SLIT1: variants seen among roughly 807,000 people sequenced by gnomAD.
The protein encoded by SLIT1 is slit homolog 1 protein.
SLIT1 carries 66 observed loss-of-function variants against 186.1 expected under a neutral mutation model. That is an observed-to-expected ratio of 0.35 (90% CI 0.29 to 0.44). SLIT1 has a LOEUF of 0.44. Ranked by LOEUF, SLIT1 falls within the 20% of genes least tolerant of loss-of-function variation. SLIT1 has a pLI of 1.00. For synonymous variants in SLIT1, 761 were observed against 833.8 expected (o/e 0.91, Z 1.50); for missense variants, 1,638 against 2,037.4 (o/e 0.80, Z 3.77).
chr10:97,052,089 G>A (rs962697347), intron 13 of SLIT1, among the ~76,000 whole-genome samples: 4 of 122,846 alleles, frequency 3.3e-5, no homozygotes, highest in African/African-American at 1.0e-4. Flanking sequence ...TGTATGATTC[G>A]GTTTTTTTTT....
At chr10:97,024,672 A>G (rs945315869) in intron 25 of SLIT1, among the ~76,000 whole-genome samples, 1 of 152,252 alleles carries the variant, frequency 6.6e-6, no homozygotes, top group African/African-American at 2.4e-5. Flanking sequence ...TAGTATTTTT[A>G]TACTAACAAA....
At chr10:97,030,498 C>T (rs908371139) in intron 25 of SLIT1, among the ~76,000 whole-genome samples, 4 of 152,204 alleles carry the variant, frequency 2.6e-5, no homozygotes, top group Non-Finnish European at 4.4e-5. Flanking sequence ...TTAGCTGAGG[C>T]AGGCGAAGTG....
At chr10:97,046,933 C>G in intron 17 of SLIT1, 58 bp downstream of exon 17, 4 of 1,558,788 alleles carry the variant, frequency 2.6e-6, no homozygotes, top group African/African-American at 1.4e-5. Flanking sequence ...CTGGCATTTC[C>G]CTTGTCCATC....
At chr10:97,030,692 T>C in intron 25 of SLIT1, 65 bp downstream of exon 25, 1 of 1,309,754 alleles carries the variant, frequency 7.6e-7, no homozygotes, top group Admixed American at 1.8e-5. Flanking sequence ...GGAGGTGGGA[T>C]CTTCTCAGAA....
intron 3 of SLIT1, among the ~76,000 whole-genome samples, chr10:97,161,482 A>G (rs530324845): frequency 2.0e-5 from 3 of 152,320 alleles, no homozygotes; most frequent in African/African-American, 7.2e-5. Flanking sequence ...TTTCTTTAAT[A>G]TAAAAATGAA....
In SLIT1 at chr10:97,006,737, T is replaced by TA; in HGVS notation, c.3342-18dup. 1 of 1,584,998 alleles carries TA rather than the reference T, an allele frequency of 6.3e-7. No homozygotes were observed. The highest frequency in any genetic ancestry group is 8.7e-7 in the Non-Finnish European group (1 of 1,154,234). ...AGCTGTCCACTGAGAGGAAAGGACA[T>TA]AAGTCAGAGAGGGCCAAGGAGGAAG... On this transcript the variant is annotated splice_polypyrimidine_tract_variant and intron_variant, in intron 31 of 36. Coordinates refer to ENST00000266058, the MANE Select transcript of SLIT1 (RefSeq NM_003061.3). This position sits in a 1 kb window ranked among gnomAD's most constrained non-coding sequence, Gnocchi z 4.0.
At chr10:97,019,246 C>T (rs1225036757) in intron 26 of SLIT1, 139 bp from the exon 27 acceptor site, 3 of 621,050 alleles carry the variant, frequency 4.8e-6, no homozygotes, top group Non-Finnish European at 5.8e-6. Flanking sequence ...GCTCACACTC[C>T]CCTTGCACTG....
At position 97,064,882 on chromosome 10, in the gene SLIT1, A is replaced by T; in HGVS notation, c.486-6T>A. On this transcript the variant is annotated splice_region_variant and splice_polypyrimidine_tract_variant and intron_variant, in intron 5 of 36. Coordinates refer to ENST00000266058, the MANE Select transcript of SLIT1 (RefSeq NM_003061.3). ...TCTGGTTCTTGTCCAGCTGTCTGTG[A>T]AGCAAAGGAAGGTTGTAGAGAGAAG... 6.2e-7 allele frequency: 1 copy of T among 1,612,172 alleles called. No individual in the cohort carries two copies. Among genetic ancestry groups the T allele is most frequent in the Non-Finnish European group, 8.5e-7 (1 of 1,178,926 alleles).
rs1050867547 is a variant in SLIT1 at position 97,006,460 on chromosome 10, T to A, written c.3579+23A>T. ...TCGCCTGCTCCCTGACTCCCCTCTG[T>A]GACCAAGCCCCCTGGCACGCACCTG... is the stretch of plus-strand genomic sequence containing the variant. On this transcript the variant is annotated intron_variant, in intron 32 of 36. Coordinates refer to ENST00000266058, the MANE Select transcript of SLIT1 (RefSeq NM_003061.3). This position sits in a 1 kb window ranked among gnomAD's most constrained non-coding sequence, Gnocchi z 4.0. 6.3e-7 allele frequency: 1 copy of A among 1,579,226 alleles called. No individual in the cohort carries two copies. The highest frequency in any genetic ancestry group is 1.3e-5 in the African/African-American group (1 of 74,242).
Position 97,092,574 on chromosome 10 carries a change from G to T in SLIT1, c.414-26488C>A, listed in dbSNP as rs1849243937. ...GCAAAAGAGCAGCCAAGGTCCAGAG[G>T]GTCTCACCCAGCACAATGGGACTCT... On this transcript the variant is annotated intron_variant, in intron 4 of 36. Transcript: ENST00000266058. Among the ~76,000 whole-genome samples, 5 of 152,142 alleles carry T rather than the reference G, an allele frequency of 3.3e-5. No individual in the cohort carries two copies. In the South Asian group the frequency reaches 1.0e-3, roughly 32 times the overall value.
In SLIT1 at chr10:97,138,160, G is replaced by T. The variant is rs913442256; in HGVS notation, c.413+19658C>A. On this transcript the variant is annotated intron_variant, in intron 4 of 36. Transcript: ENST00000266058. The stretch of plus-strand genomic sequence containing the variant: ...GGTTATGAAACCTGCATATACCGAG[G>T]GCTGGCATTTTACATACGCGGGTTC... 9.9e-5 allele frequency among the ~76,000 whole-genome samples: 15 copies of T among 152,170 alleles called. 1 individual carries two copies. The highest frequency in any genetic ancestry group is 8.3e-4 in the South Asian group (4 of 4,820).
intron 1 of SLIT1, among the ~76,000 whole-genome samples, chr10:97,171,207 G>A (rs1850183641): frequency 6.6e-6 from 1 of 152,144 alleles, no homozygotes. Flanking sequence ...GAAAACGGAG[G>A]AAAGAAAGAA....
At chr10:97,142,825 T>A (rs551934265) in intron 4 of SLIT1, among the ~76,000 whole-genome samples, 1 of 152,260 alleles carries the variant, frequency 6.6e-6, no homozygotes, top group East Asian at 1.9e-4. Flanking sequence ...GAATAGAAAT[T>A]TCTCCAAAGA....
chr10:97,160,196 T>C (rs1850008084), intron 3 of SLIT1, among the ~76,000 whole-genome samples: 1 of 152,184 alleles, frequency 6.6e-6, no homozygotes, highest in Non-Finnish European at 1.5e-5. Context: ...CACTGCTGCA[T>C]CTACTCTGGA....
chr10:97,175,208 C>G (rs1237718650), intron 1 of SLIT1, among the ~76,000 whole-genome samples: 2 of 152,230 alleles, frequency 1.3e-5, no homozygotes, highest in African/African-American at 4.8e-5. Context: ...CATGTTGTAG[C>G]ATGTGTCAGA....
intron 4 of SLIT1, among the ~76,000 whole-genome samples, chr10:97,150,786 G>T (rs1849868627): frequency 6.6e-6 from 1 of 152,176 alleles, no homozygotes; most frequent in Non-Finnish European, 1.5e-5. Context: ...GGCATGCGTG[G>T]TGGGCGGACA....
chr10:97,123,476 C>A (rs1849577526), intron 4 of SLIT1, among the ~76,000 whole-genome samples: 1 of 152,130 alleles, frequency 6.6e-6, no homozygotes, highest in Non-Finnish European at 1.5e-5. Context: ...AGAACAAGCC[C>A]AATGCTAGGC....
At position 97,043,639 on chromosome 10, in the gene SLIT1, C is replaced by A; in HGVS notation, c.1854-126G>T. 1.1e-6 allele frequency: 1 copy of A among 927,004 alleles called. No homozygotes were observed. The highest frequency in any genetic ancestry group is 1.6e-5 in the South Asian group (1 of 62,634). 57.4% of individuals were successfully genotyped at this position (927,004 alleles called of 1,614,324 possible). On this transcript the variant is annotated intron_variant, in intron 18 of 36. Transcript: ENST00000266058. The surrounding 1 kb of genome is among the most constrained non-coding windows in gnomAD (Gnocchi z 7.0). ...CTCCATAGGCTGCGAGCCGCAGAGC[C>A]AGGAACACGCACCAGCCAGGCCCCG...
intron 1 of SLIT1, among the ~76,000 whole-genome samples, chr10:97,173,124 C>A (rs916372446): frequency 6.6e-6 from 1 of 152,152 alleles, no homozygotes; most frequent in African/African-American, 2.4e-5. Flanking sequence ...AAATAGCGTC[C>A]TTAGGGTCCA....
Sources: gnomAD v4.1 joint callset for allele counts (sites outside exome capture counted in the v4.1 genomes callset) on GRCh38, gnomAD v4.1.1 for gene constraint, Gnocchi (gnomAD v3.1) non-coding constraint, MANE v1.5 for transcripts, NCBI Gene and HGNC (gene_info 2026-07-23, HGNC 2026-07-21) for gene names.